The following CSMD3 variants were observed in gnomAD, a reference collection of about 807,000 sequenced individuals.
The protein encoded by CSMD3 is CUB and sushi domain-containing protein 3.
In CSMD3, 177 loss-of-function variants were observed where a neutral mutation model predicts 435.2. The ratio of observed to expected loss-of-function variants is 0.41; its 90% CI spans 0.36 to 0.46. CSMD3 has a LOEUF of 0.46. CSMD3 is among the 20% of genes least tolerant of loss of function. The pLI is 0.34. For synonymous variants in CSMD3, 1,656 were observed against 1,520.5 expected (o/e 1.09, Z -2.07); for missense variants, 4,265 against 4,504.6 (o/e 0.95, Z 1.52).
rs2076188813 is a variant in CSMD3 at position 112,693,682 on chromosome 8, T to C, written c.1973-3632A>G. Among the ~76,000 whole-genome samples, 3 of 151,736 alleles carry C rather than the reference T, an allele frequency of 2.0e-5. No homozygotes were observed. The South Asian group carries it at 6.2e-4, about 32-fold the overall frequency. On this transcript the variant is annotated intron_variant, in intron 13 of 70. Transcript: ENST00000297405. ...TAGACTACTTCTGTCAAATACCTTG[T>C]AACTTTTTTTTCAGTTCTAGGAAAT... is the stretch of plus-strand genomic sequence containing the variant.
At chr8:112,811,403 A>C (rs1400682675) in intron 12 of CSMD3, among the ~76,000 whole-genome samples, 2 of 110,202 alleles carry the variant, frequency 1.8e-5, no homozygotes, top group East Asian at 8.6e-4. Flanking sequence ...TTTAAAAGCT[A>C]AAGAAAACAC....
chr8:112,622,919 G>A lies in CSMD3; in HGVS notation c.3715+13898C>T, dbSNP rs144721976. Among the ~76,000 whole-genome samples the A allele has an allele frequency of 3.8e-3, 582 of 152,158 alleles. 5 individuals are homozygous for A. Among genetic ancestry groups the A allele is most frequent in the African/African-American group, 0.013 (555 of 41,538 alleles). ...CTCCATTTTACAAATGGGAGTCAGA[G>A]GGGTTAACTATGTTTTTCAACTTGC... is the stretch of plus-strand genomic sequence containing the variant. On this transcript the variant is annotated intron_variant, in intron 22 of 70. Transcript: ENST00000297405.
At chr8:112,608,653 G>A (rs1832986766) in intron 22 of CSMD3, among the ~76,000 whole-genome samples, 1 of 151,796 alleles carries the variant, frequency 6.6e-6, no homozygotes, top group South Asian at 2.1e-4. Context: ...ATGTATATGT[G>A]TGTGTATATA....
intron 13 of CSMD3, among the ~76,000 whole-genome samples, chr8:112,767,299 A>C (rs1390843990): frequency 1.3e-5 from 2 of 151,880 alleles, no homozygotes; most frequent in Non-Finnish European, 2.9e-5. Context: ...TGAGCAGAGA[A>C]GCATGAAGGT....
intron 61 of CSMD3, chr8:112,255,664 A>G: frequency 1.9e-6 from 1 of 513,446 alleles, no homozygotes; most frequent in Non-Finnish European, 3.4e-6. Flanking sequence ...TTAGTAAGCT[A>G]CCTTAATAAA....
At chr8:112,892,362 C>T (rs992414571) in intron 10 of CSMD3, among the ~76,000 whole-genome samples, 2 of 151,240 alleles carry the variant, frequency 1.3e-5, no homozygotes, top group Non-Finnish European at 3.0e-5. Flanking sequence ...CTTTGCTATA[C>T]TTTATGGGAC....
At chr8:112,720,933 T>A (rs919352267) in intron 13 of CSMD3, among the ~76,000 whole-genome samples, 1 of 152,222 alleles carries the variant, frequency 6.6e-6, no homozygotes, top group African/African-American at 2.4e-5. Context: ...TTGGAATGTA[T>A]CCTCATCTCC....
chr8:113,395,838 C>T (rs1035773710), intron 1 of CSMD3, among the ~76,000 whole-genome samples: 3 of 151,940 alleles, frequency 2.0e-5, no homozygotes, highest in African/African-American at 4.8e-5. Context: ...TTGAAATTAC[C>T]TTAAATTAGT....
At chr8:112,313,052 G>C (rs1473203693) in intron 49 of CSMD3, among the ~76,000 whole-genome samples, 2 of 152,114 alleles carry the variant, frequency 1.3e-5, no homozygotes, top group Non-Finnish European at 2.9e-5. Flanking sequence ...AATGGTCTCT[G>C]ACGTGATTTA....
At chr8:112,932,022 T>TG (rs35889943) in intron 9 of CSMD3, among the ~76,000 whole-genome samples, 2 of 152,272 alleles carry the variant, frequency 1.3e-5, no homozygotes, top group East Asian at 1.9e-4. Context: ...ACAGTCATTA[T>TG]GGGGGGCAGT....
intron 30 of CSMD3, among the ~76,000 whole-genome samples, chr8:112,493,639 TA>T (rs1364764637): frequency 6.6e-6 from 1 of 152,042 alleles, no homozygotes; most frequent in Non-Finnish European, 1.5e-5. Context: ...GATTAAAAAA[TA>T]AAATCCTTTC....
chr8:112,328,406 A>G (rs1823713733), intron 45 of CSMD3, among the ~76,000 whole-genome samples: 1 of 152,222 alleles, frequency 6.6e-6, no homozygotes, highest in Admixed American at 6.5e-5. Context: ...ACATGAAGAT[A>G]GAAGTGTGTT....
At chr8:112,293,939 G>A (rs1046483730) in intron 54 of CSMD3, among the ~76,000 whole-genome samples, 2 of 152,008 alleles carry the variant, frequency 1.3e-5, no homozygotes, top group Non-Finnish European at 2.9e-5. Flanking sequence ...TTTACCCTAA[G>A]GGCCAATTCT....
chr8:113,219,913 A>G (rs147473779), intron 3 of CSMD3, among the ~76,000 whole-genome samples: 9 of 151,624 alleles, frequency 5.9e-5, no homozygotes, highest in African/African-American at 1.9e-4. Context: ...TGATTTATGA[A>G]GAACTTTTGA....
chr8:112,646,008 A>C (rs1244852576), intron 19 of CSMD3, among the ~76,000 whole-genome samples: 1 of 152,194 alleles, frequency 6.6e-6, no homozygotes, highest in Non-Finnish European at 1.5e-5. Flanking sequence ...TCTTAGACAC[A>C]GCCAAGGGCA....
chr8:112,436,494 A>G (rs1456583149), intron 32 of CSMD3, among the ~76,000 whole-genome samples: 1 of 151,896 alleles, frequency 6.6e-6, no homozygotes, highest in Admixed American at 6.6e-5. Flanking sequence ...ACTACATCCT[A>G]TACTGCTAAG....
intron 3 of CSMD3, among the ~76,000 whole-genome samples, chr8:113,197,015 G>A (rs2092664316): frequency 6.6e-6 from 1 of 151,116 alleles, no homozygotes; most frequent in Non-Finnish European, 1.5e-5. Flanking sequence ...TGTCTACTTT[G>A]TCCATTTTTG....
At chr8:112,571,020 A>G (rs1383475285) in intron 24 of CSMD3, among the ~76,000 whole-genome samples, 3 of 151,872 alleles carry the variant, frequency 2.0e-5, no homozygotes, top group Non-Finnish European at 4.4e-5. Context: ...TTTATTTATT[A>G]TTTTGAGACG....
At chr8:113,388,381 T>C (rs2094448073) in intron 1 of CSMD3, among the ~76,000 whole-genome samples, 1 of 151,556 alleles carries the variant, frequency 6.6e-6, no homozygotes, top group African/African-American at 2.4e-5. Context: ...GAATAATACA[T>C]TGTGGTACTA....
Sources: gnomAD v4.1 joint callset for allele counts (sites outside exome capture counted in the v4.1 genomes callset) on GRCh38, gnomAD v4.1.1 for gene constraint, MANE v1.5 for transcripts, NCBI Gene and HGNC (gene_info 2026-07-23, HGNC 2026-07-21) for gene names.